Variants in NLGN1 observed in about 807,000 individuals in gnomAD.
NLGN1 encodes the protein neuroligin-1.
In NLGN1, 12 loss-of-function variants were observed where a neutral mutation model predicts 65.5. The observed-to-expected ratio is 0.18, with a 90% CI of 0.12 to 0.30. The LOEUF is 0.30. Ranked by LOEUF, NLGN1 falls within the 10% of genes least tolerant of loss-of-function variation. The probability of loss-of-function intolerance (pLI) is 1.00; values close to 1 mark genes in which losing one functional copy is unlikely to be tolerated. For missense variants in NLGN1, 750 were observed against 1,007.1 expected, an observed-to-expected ratio of 0.74 and a Z score of 3.46; for synonymous variants, 350 against 359.5, an observed-to-expected ratio of 0.97 and a Z score of 0.30.
At chr3:173,405,448 G>A (rs532262978) in intron 1 of NLGN1, among the ~76,000 whole-genome samples, 12 of 151,980 alleles carry the variant, frequency 7.9e-5, no homozygotes, top group Middle Eastern at 6.8e-3. Context: ...ATTATAAAAT[G>A]CACCTTGATT....
rs773132929 is a variant in NLGN1 at position 173,604,905 on chromosome 3, C to T, written c.307C>T (p.Pro103Ser). Residue 103 changes from proline (P) to serine (S), a missense_variant, in exon 3 of 7, where the codon CCC becomes TCC. Pro to Ser is a moderately conservative substitution (Grantham distance 74). Transcript: ENST00000457714. ...TTTTCAGCCTCCAGAACCACCATCT[C>T]CCTGGTCAGATATCAGAAATGCCAC... The T allele has an allele frequency of 8.7e-6, 14 of 1,613,604 alleles. No homozygotes were observed. The South Asian group carries it at 1.4e-4, about 16-fold the overall frequency.
chr3:173,668,440 A>T (rs1216173670), intron 3 of NLGN1, among the ~76,000 whole-genome samples: 1 of 152,040 alleles, frequency 6.6e-6, no homozygotes, highest in Non-Finnish European at 1.5e-5. Flanking sequence ...TTGAAGTACA[A>T]CACAAGTAGA....
chr3:174,077,531 CTTCT>C (rs896576717), intron 4 of NLGN1, among the ~76,000 whole-genome samples: 16 of 151,470 alleles, frequency 1.1e-4, no homozygotes, highest in South Asian at 6.2e-4. Context: ...AGACTTTTAG[CTTCT>C]TTCTTTCTTT....
intron 3 of NLGN1, among the ~76,000 whole-genome samples, chr3:173,690,314 T>G (rs980094480): frequency 6.6e-6 from 1 of 152,170 alleles, no homozygotes; most frequent in African/African-American, 2.4e-5. Context: ...AAACTTTTTG[T>G]TTCTCATTCC....
At chr3:174,035,252 A>G (rs187566043) in intron 4 of NLGN1, among the ~76,000 whole-genome samples, 1 of 152,332 alleles carries the variant, frequency 6.6e-6, no homozygotes, top group Non-Finnish European at 1.5e-5. Context: ...ACTAAATTAC[A>G]TTGCAACAGC....
intron 3 of NLGN1, among the ~76,000 whole-genome samples, chr3:173,687,722 G>T (rs1323337899): frequency 6.6e-6 from 1 of 152,198 alleles, no homozygotes; most frequent in Non-Finnish European, 1.5e-5. Flanking sequence ...TGTATGTCCA[G>T]CAAGGTCTTT....
chr3:174,272,692 TAGATAGATAG>T (rs1553987248), intron 4 of NLGN1, among the ~76,000 whole-genome samples: 2 of 149,504 alleles, frequency 1.3e-5, no homozygotes, highest in Non-Finnish European at 3.0e-5. Context: ...GATAGATAGA[TAGATAGATAG>T]ATAGATATAG....
intron 4 of NLGN1, among the ~76,000 whole-genome samples, chr3:173,929,576 C>CAA (rs538842767): frequency 5.9e-5 from 5 of 85,030 alleles, no homozygotes; most frequent in African/African-American, 1.2e-4. Context: ...CTGTCATTTC[C>CAA]AAAAAAAAAA....
chr3:174,240,479 A>G (rs1406006409), intron 4 of NLGN1, among the ~76,000 whole-genome samples: 1 of 152,202 alleles, frequency 6.6e-6, no homozygotes, highest in Non-Finnish European at 1.5e-5. Context: ...ACATTTAGAT[A>G]AATCCTGAAA....
chr3:173,583,581 T>A (rs1004596583), intron 2 of NLGN1, among the ~76,000 whole-genome samples: 7 of 152,178 alleles, frequency 4.6e-5, no homozygotes, highest in Non-Finnish European at 8.8e-5. Flanking sequence ...GAAAGAGAAT[T>A]CAACTTCTCT....
intron 3 of NLGN1, among the ~76,000 whole-genome samples, chr3:173,657,111 G>A (rs1760167643): frequency 6.6e-6 from 1 of 151,934 alleles, no homozygotes; most frequent in Admixed American, 6.6e-5. Flanking sequence ...TTATAAGGAG[G>A]TTGTTAGGCA....
chr3:173,490,913 A>T (rs969445429), intron 2 of NLGN1, among the ~76,000 whole-genome samples: 3 of 151,462 alleles, frequency 2.0e-5, no homozygotes, highest in Admixed American at 6.6e-5. Flanking sequence ...ATTGGTGTAT[A>T]AGAATGCTTG....
chr3:174,159,594 A>T (rs1303536201), intron 4 of NLGN1, among the ~76,000 whole-genome samples: 2 of 151,680 alleles, frequency 1.3e-5, no homozygotes, highest in Non-Finnish European at 3.0e-5. Context: ...AGAGGTGGAG[A>T]GACAAAGAAA....
intron 4 of NLGN1, among the ~76,000 whole-genome samples, chr3:174,233,173 T>C (rs1184904931): frequency 1.3e-5 from 2 of 151,992 alleles, no homozygotes; most frequent in Admixed American, 6.6e-5. Context: ...GGAAAGTGTG[T>C]ATGTGCTCCA....
chr3:173,454,065 C>G (rs757395123), intron 2 of NLGN1, among the ~76,000 whole-genome samples: 1 of 152,182 alleles, frequency 6.6e-6, no homozygotes, highest in Admixed American at 6.5e-5. Context: ...CAGCATTAAT[C>G]TCTTGTATAT....
At chr3:173,722,732 T>A (rs1252569104) in intron 3 of NLGN1, among the ~76,000 whole-genome samples, 2 of 152,160 alleles carry the variant, frequency 1.3e-5, no homozygotes, top group African/African-American at 4.8e-5. Context: ...CATCAATGTT[T>A]AATGGCAATG....
intron 3 of NLGN1, among the ~76,000 whole-genome samples, chr3:173,773,477 T>A (rs1779872527): frequency 6.6e-6 from 1 of 152,222 alleles, no homozygotes; most frequent in Admixed American, 6.5e-5. Context: ...ACACAAAATG[T>A]TGTTATTCAT....
chr3:174,220,198 TC>T (rs1447809432), intron 4 of NLGN1, among the ~76,000 whole-genome samples: 1 of 152,104 alleles, frequency 6.6e-6, no homozygotes, highest in Non-Finnish European at 1.5e-5. Flanking sequence ...CTAGGTGGTT[TC>T]AAGGATGGCA....
intron 4 of NLGN1, among the ~76,000 whole-genome samples, chr3:173,962,116 A>G (rs1016246577): frequency 2.6e-5 from 4 of 152,268 alleles, no homozygotes; most frequent in Non-Finnish European, 5.9e-5. Flanking sequence ...TGAAAATCAA[A>G]CACAAGACAA....
Sources: allele counts gnomAD v4.1 joint callset (sites outside exome capture counted in the v4.1 genomes callset), GRCh38; gene constraint gnomAD v4.1.1; transcripts MANE v1.5; gene names NCBI Gene and HGNC (gene_info 2026-07-23, HGNC 2026-07-21).